The following SPMAP2 variants were observed in gnomAD, a reference collection of about 807,000 sequenced individuals.
SPMAP2 encodes Theg homolog.
At chr19:374,504 C>T in the SPMAP2 span, 1 of 1,578,086 alleles carries the variant, frequency 6.3e-7, no homozygotes, top group Non-Finnish European at 8.6e-7. Flanking sequence ...GGGTCTTGCT[C>T]AAGCGCCTTT....
chr19:363,213 T>A, the SPMAP2 span, among the ~76,000 whole-genome samples: 1 of 152,034 alleles, frequency 6.6e-6, no homozygotes, highest in Non-Finnish European at 1.5e-5. Context: ...TTTAGTTTGA[T>A]ACAGAGCCTT....
the SPMAP2 span, chr19:374,205 G>GGA: frequency 6.4e-7 from 1 of 1,562,878 alleles, no homozygotes; most frequent in South Asian, 1.2e-5. Context: ...CTGGGGGAGG[G>GGA]GAGCCGAGCA....
chr19:362,230 T>C, the SPMAP2 span: 1 of 1,564,308 alleles, frequency 6.4e-7, no homozygotes, highest in Non-Finnish European at 8.7e-7. Context: ...GATCACACTT[T>C]TCTGGTGATG....
chr19:373,202 C>T, the SPMAP2 span, among the ~76,000 whole-genome samples: 5 of 152,198 alleles, frequency 3.3e-5, no homozygotes, highest in African/African-American at 9.7e-5. Flanking sequence ...TCAAGAAAAG[C>T]ATGGAAATCA....
chr19:367,027 G>A, the SPMAP2 span: 1 of 1,609,632 alleles, frequency 6.2e-7, no homozygotes. Context: ...GATCTGAACA[G>A]GACATCAGGA....
chr19:363,786 C>T, the SPMAP2 span, among the ~76,000 whole-genome samples: 9 of 152,056 alleles, frequency 5.9e-5, no homozygotes, highest in South Asian at 1.2e-3. Context: ...CTGCCCGCCT[C>T]GGCCTCCCAA....
At chr19:367,247 G>A in the SPMAP2 span, 2 of 1,571,524 alleles carry the variant, frequency 1.3e-6, no homozygotes, top group Admixed American at 2.0e-5. Flanking sequence ...ATAGAGAGAA[G>A]GGTTACGTGA....
At chr19:370,908 C>A in the SPMAP2 span, among the ~76,000 whole-genome samples, 1 of 152,116 alleles carries the variant, frequency 6.6e-6, no homozygotes, top group African/African-American at 2.4e-5. Context: ...GCCAGGAGTC[C>A]GGCCTGAGCT....
the SPMAP2 span, among the ~76,000 whole-genome samples, chr19:369,221 G>A: frequency 6.6e-6 from 1 of 152,176 alleles, no homozygotes; most frequent in Non-Finnish European, 1.5e-5. Context: ...GGGAATAGAA[G>A]TTAATGCCAC....
the SPMAP2 span, among the ~76,000 whole-genome samples, chr19:364,347 AAAAAAAAAAGAAAGAAAAAAAAAG>A: frequency 6.6e-6 from 1 of 151,202 alleles, no homozygotes; most frequent in Non-Finnish European, 1.5e-5. Context: ...AAAAAAAAAA[AAAAAAAAAAGAAAGAAAAAAAAAG>A]AAAAAATATT....
chr19:373,232 G>T, the SPMAP2 span, among the ~76,000 whole-genome samples: 1 of 152,192 alleles, frequency 6.6e-6, no homozygotes, highest in Non-Finnish European at 1.5e-5. Flanking sequence ...GGAAAGCAAA[G>T]GGTCTTTTTG....
chr19:371,653 C>T, the SPMAP2 span, among the ~76,000 whole-genome samples: 1 of 152,184 alleles, frequency 6.6e-6, no homozygotes, highest in African/African-American at 2.4e-5. Context: ...GGGACGGCAG[C>T]TCCTCCCAGG....
chr19:366,633 C>G, the SPMAP2 span, among the ~76,000 whole-genome samples: 1 of 152,182 alleles, frequency 6.6e-6, no homozygotes, highest in East Asian at 1.9e-4. Flanking sequence ...AAGAGCTGCT[C>G]CCAATCTACA....
At chr19:375,794 G>C in the SPMAP2 span, 2 of 1,610,062 alleles carry the variant, frequency 1.2e-6, no homozygotes, top group South Asian at 1.1e-5. Flanking sequence ...CCTCTTCTGG[G>C]TCTTCTGGTC....
the SPMAP2 span, among the ~76,000 whole-genome samples, chr19:366,833 C>T: frequency 3.3e-5 from 5 of 152,160 alleles, no homozygotes; most frequent in South Asian, 8.3e-4. Flanking sequence ...TGTTCCTTAG[C>T]GTGGTTCTCT....
chr19:364,515 TAA>T, the SPMAP2 span, among the ~76,000 whole-genome samples: 6 of 140,260 alleles, frequency 4.3e-5, no homozygotes, highest in Non-Finnish European at 6.3e-5. Flanking sequence ...ACCCCATCTC[TAA>T]AAAAAAAAAA....
the SPMAP2 span, chr19:374,342 C>T: frequency 1.2e-6 from 2 of 1,614,138 alleles, no homozygotes; most frequent in Admixed American, 1.7e-5. Flanking sequence ...TCTGCCAGCT[C>T]CATGAGCCTC....
At chr19:374,749 C>G in the SPMAP2 span, 3 of 289,154 alleles carry the variant, frequency 1.0e-5, no homozygotes, top group African/African-American at 6.3e-5. Flanking sequence ...GTTTACTCAT[C>G]TCACAGACAT....
the SPMAP2 span, chr19:371,103 T>C: frequency 1.6e-6 from 1 of 645,106 alleles, no homozygotes; most frequent in Non-Finnish European, 2.5e-6. Context: ...CCTGTGCAGC[T>C]TCTCCTCCTC....
Sources: allele counts gnomAD v4.1 joint callset (sites outside exome capture counted in the v4.1 genomes callset), GRCh38; gene constraint gnomAD v4.1.1; transcripts MANE v1.5; gene names NCBI Gene and HGNC (gene_info 2026-07-23, HGNC 2026-07-21).